OR2L2: variants seen among roughly 807,000 people sequenced by gnomAD.
The protein encoded by OR2L2 is olfactory receptor family 2 subfamily L member 2, also known as olfactory receptor 2L2.
For synonymous variants in OR2L2, 156 were observed against 135.4 expected (o/e 1.15, Z -1.06); for missense variants, 378 against 375.2 (o/e 1.01, Z -0.06).
In OR2L2 at chr1:248,038,214, C is replaced by A. The variant is rs146451339; in HGVS notation, c.-21-33C>A. ...AGCCACTGTGGATAAAAGTGAATTA[C>A]TGTTCTTAATTTACCCTTTTGTCTC... On this transcript the variant is annotated intron_variant, in intron 2 of 2. Transcript: ENST00000641771. 297 of 1,263,326 alleles carry A rather than the reference C, an allele frequency of 2.4e-4. No individual in the cohort carries two copies. The African/African-American group carries it at 3.8e-3, about 16-fold the overall frequency. 78.3% of individuals were successfully genotyped at this position (1,263,326 alleles called of 1,614,324 possible).
At position 248,032,753 on chromosome 1, in the gene OR2L2, G is replaced by A. The variant is rs1243300646; in HGVS notation, c.-97+2518G>A. ...TTACATTTTTTATTGATTTCTCTGTGGATGGACACTTAAGTTGTCTCTGCC... is the reference window on the plus strand; with the variant it reads ...TTACATTTTTTATTGATTTCTCTGTAGATGGACACTTAAGTTGTCTCTGCC... On this transcript the variant is annotated intron_variant, in intron 1 of 2. Transcript: ENST00000641771. Among the ~76,000 whole-genome samples the A allele has an allele frequency of 2.0e-5, 3 of 152,002 alleles. 1 individual carries two copies. Among genetic ancestry groups the A allele is most frequent in the Admixed American group, 2.0e-4 (3 of 15,274 alleles).
intron 2 of OR2L2, among the ~76,000 whole-genome samples, chr1:248,036,729 A>G (rs1243557767): frequency 1.3e-5 from 2 of 152,172 alleles, no homozygotes; most frequent in African/African-American, 4.8e-5. Flanking sequence ...AACCACCTCT[A>G]CCCAGAAAAC....
At chr1:248,031,807 G>A (rs973538427) in intron 1 of OR2L2, among the ~76,000 whole-genome samples, 1 of 152,124 alleles carries the variant, frequency 6.6e-6, no homozygotes. Context: ...GGGGGAGATC[G>A]GAAAAATAAA....
chr1:248,037,365 T>G (rs1321434658), intron 2 of OR2L2, among the ~76,000 whole-genome samples: 2 of 152,142 alleles, frequency 1.3e-5, no homozygotes, highest in Non-Finnish European at 2.9e-5. Context: ...CCAGAAAAAG[T>G]AATGCTAATT....
chr1:248,037,610 T>A (rs72763250), intron 2 of OR2L2, among the ~76,000 whole-genome samples: 25,875 of 152,188 alleles, frequency 0.17, 2,407 homozygotes, highest in East Asian at 0.32. Context: ...AAAATAATTT[T>A]TTTCTAAATA....
chr1:248,031,807 G>C (rs973538427), intron 1 of OR2L2, among the ~76,000 whole-genome samples: 2 of 152,006 alleles, frequency 1.3e-5, no homozygotes, highest in South Asian at 2.1e-4. Flanking sequence ...GGGGGAGATC[G>C]GAAAAATAAA....
intron 2 of OR2L2, among the ~76,000 whole-genome samples, chr1:248,036,011 A>C (rs1411660940): frequency 6.6e-6 from 1 of 152,168 alleles, no homozygotes; most frequent in Non-Finnish European, 1.5e-5. Context: ...AATTTTTAGA[A>C]TGTTTTCTAG....
rs907388415 is a variant in OR2L2, at chr1:248,039,865, A to G, written c.*659A>G. ...TTTTTCTTAAAGTAATGTTTTACTA[A>G]TAAGTTTACCTGAGGATAAATAATT... On this transcript the variant is annotated 3_prime_UTR_variant, in exon 3 of 3. Coordinates refer to ENST00000641771, the MANE Select transcript of OR2L2 (RefSeq NM_001385855.1). 1.3e-5 allele frequency: 2 copies of G among 152,236 alleles called. No homozygotes were observed. The highest frequency in any genetic ancestry group is 2.9e-5 in the Non-Finnish European group (2 of 68,046). The allele number at this position is 152,236 out of a possible 1,614,324, so 9.4% of individuals were successfully genotyped here. A position where few individuals can be genotyped will look rare whatever the true frequency, so the allele number is the denominator to read the frequency against.
chr1:248,031,081 T>TA (rs1451336377), intron 1 of OR2L2, among the ~76,000 whole-genome samples: 1 of 152,176 alleles, frequency 6.6e-6, no homozygotes, highest in Non-Finnish European at 1.5e-5. Flanking sequence ...TTTTGGTGGA[T>TA]AAAAAACTAA....
At chr1:248,031,030 A>G (rs1662606214) in intron 1 of OR2L2, among the ~76,000 whole-genome samples, 3 of 152,236 alleles carry the variant, frequency 2.0e-5, no homozygotes, top group Admixed American at 1.3e-4. Flanking sequence ...AATGAAAGCA[A>G]GTAGAAATGT....
Position 248,030,681 on chromosome 1 carries a change from A to G in OR2L2, c.-97+446A>G, listed in dbSNP as rs1050335672. On this transcript the variant is annotated intron_variant, in intron 1 of 2. Coordinates refer to ENST00000641771, the MANE Select transcript of OR2L2 (RefSeq NM_001385855.1). ...CATTATAATCTTAATGCTGCTTCTTACTTTGTGATCTAGAGAAGTTCGCTT... is the reference window on the plus strand; with the variant it reads ...CATTATAATCTTAATGCTGCTTCTTGCTTTGTGATCTAGAGAAGTTCGCTT... Among the ~76,000 whole-genome samples, 17 of 152,164 alleles carry G rather than the reference A, an allele frequency of 1.1e-4. 1 individual carries two copies. The South Asian group carries it at 2.1e-3, about 19-fold the overall frequency.
chr1:248,038,294 T>G lies in OR2L2; in HGVS notation c.27T>G (p.Thr9=), dbSNP rs558678164. Reference sequence around the variant, plus strand: ...TGGAAAATTACAATCAAACATCAACTGATTTCATCTTATTGGGGCTGTTCC... The same window carrying G: ...TGGAAAATTACAATCAAACATCAACGGATTTCATCTTATTGGGGCTGTTCC... The part of the protein sequence containing the change: MENYNQTS[T]DFILLGLFPQ... The change falls in exon 3 of 3, where the codon ACT becomes ACG. Residue 9 remains threonine (T), a synonymous_variant. Transcript: ENST00000641771. 3 of 1,611,554 alleles carry G rather than the reference T, an allele frequency of 1.9e-6. No individual in the cohort carries two copies. The African/African-American group carries it at 4.0e-5, about 22-fold the overall frequency.
In OR2L2 at chr1:248,040,959, A is replaced by T. The variant is rs1437768166; in HGVS notation, c.*1753A>T. ...TTTAGAGTTTACTAGAGTACTGAAT[A>T]ATTTAAATTTTGACTTATAGAATGG... is the stretch of plus-strand genomic sequence containing the variant. On this transcript the variant is annotated 3_prime_UTR_variant, in exon 3 of 3. Transcript: ENST00000641771. 6.6e-6 allele frequency: 1 copy of T among 152,202 alleles called. No individual in the cohort carries two copies. Among genetic ancestry groups the T allele is most frequent in the South Asian group, 2.1e-4 (1 of 4,836 alleles). 9.4% of individuals were successfully genotyped at this position (152,202 alleles called of 1,614,324 possible).
chr1:248,033,335 T>C (rs1662670029), intron 1 of OR2L2, among the ~76,000 whole-genome samples: 1 of 152,236 alleles, frequency 6.6e-6, no homozygotes, highest in Admixed American at 6.5e-5. Flanking sequence ...TTGAAAAGAC[T>C]GTCCCTTCCA....
chr1:248,033,323 T>A (rs1378537448), intron 1 of OR2L2, among the ~76,000 whole-genome samples: 1 of 152,232 alleles, frequency 6.6e-6, no homozygotes, highest in East Asian at 1.9e-4. Context: ...AAACACCGTT[T>A]GTTGAAAAGA....
In OR2L2 at chr1:248,038,406, C is replaced by G; in HGVS notation, c.139C>G (p.Leu47Val). 6.2e-7 allele frequency: 1 copy of G among 1,613,772 alleles called. No homozygotes were observed. The highest frequency in any genetic ancestry group is 8.5e-7 in the Non-Finnish European group (1 of 1,179,708). Residue 47 changes from leucine (L) to valine (V), a missense_variant, in exon 3 of 3, where the codon CTC becomes GTC. Leu to Val is a conservative substitution (Grantham distance 32). Coordinates refer to ENST00000641771, the MANE Select transcript of OR2L2 (RefSeq NM_001385855.1). ...ALIGNLSMILLIFLDIHLHTP... is the reference protein window; with the variant it reads ...ALIGNLSMILVIFLDIHLHTP... ...AATTGGAAATCTATCCATGATTCTT[C>G]TCATCTTTTTGGACATCCATCTCCA...
At chr1:248,033,698 C>A (rs61856396) in intron 1 of OR2L2, among the ~76,000 whole-genome samples, 1,600 of 151,974 alleles carry the variant, frequency 0.011, 14 homozygotes, top group Non-Finnish European at 0.016. Flanking sequence ...CTGCCTTAGC[C>A]TCCCAAAGTG....
chr1:248,030,735 C>T (rs897210926), intron 1 of OR2L2, among the ~76,000 whole-genome samples: 28 of 152,116 alleles, frequency 1.8e-4, no homozygotes, highest in Non-Finnish European at 2.9e-4. Context: ...TTTTTGTCAT[C>T]TAAGATGTCG....
At chr1:248,036,836 C>T (rs1171218749) in intron 2 of OR2L2, among the ~76,000 whole-genome samples, 1 of 151,960 alleles carries the variant, frequency 6.6e-6, no homozygotes, top group Non-Finnish European at 1.5e-5. Context: ...TTTTTGCTTC[C>T]CTAATGCTTA....
Sources: allele counts gnomAD v4.1 joint callset (sites outside exome capture counted in the v4.1 genomes callset), GRCh38; gene constraint gnomAD v4.1.1; transcripts MANE v1.5; gene names NCBI Gene and HGNC (gene_info 2026-07-23, HGNC 2026-07-21).